NCAM2: variants seen among roughly 807,000 people sequenced by gnomAD.
NCAM2 encodes N-CAM-2.
Under a neutral mutation model 98.1 loss-of-function variants are expected in NCAM2, and 30 were observed. That is an observed-to-expected ratio of 0.31 (90% confidence interval 0.23 to 0.41). The LOEUF (loss-of-function observed/expected upper bound fraction) is 0.41. Ranked by LOEUF, NCAM2 falls within the 10% of genes least tolerant of loss-of-function variation. The probability of loss-of-function intolerance (pLI) is 1.00; values close to 1 mark genes in which losing one functional copy is unlikely to be tolerated. For synonymous variants in NCAM2, 368 were observed against 342.4 expected (o/e 1.07, Z -0.83); for missense variants, 867 against 1,005.8 (o/e 0.86, Z 1.87).
rs1180020839 is a variant in NCAM2, at chr21:21,283,697, C to T, written c.131-497C>T. On this transcript the variant is annotated intron_variant, in intron 2 of 17. Coordinates refer to ENST00000400546, the MANE Select transcript of NCAM2 (RefSeq NM_004540.5). ...TTTCAAATTTAGTATTATCAAAGGC[C>T]AAAGTTGGTTTTGTGAAAGATTTAC... is the stretch of plus-strand genomic sequence containing the variant. 2.6e-5 allele frequency among the ~76,000 whole-genome samples: 4 copies of T among 151,688 alleles called. No homozygotes were observed. The East Asian group carries it at 7.7e-4, about 29-fold the overall frequency.
intron 8 of NCAM2, among the ~76,000 whole-genome samples, chr21:21,354,915 T>C (rs1602082851): frequency 6.6e-6 from 1 of 152,210 alleles, no homozygotes; most frequent in Admixed American, 6.5e-5. Flanking sequence ...TCTTCCCTTT[T>C]TTCTGCTAAA....
intron 9 of NCAM2, among the ~76,000 whole-genome samples, chr21:21,403,605 T>A (rs1387379953): frequency 6.6e-6 from 1 of 152,196 alleles, no homozygotes; most frequent in Non-Finnish European, 1.5e-5. Context: ...AATTTTGATA[T>A]TATTTTGAAT....
intron 11 of NCAM2, among the ~76,000 whole-genome samples, chr21:21,429,105 A>G (rs2077275057): frequency 6.6e-6 from 1 of 152,208 alleles, no homozygotes; most frequent in Non-Finnish European, 1.5e-5. Flanking sequence ...CTTTAAAAGA[A>G]GTAATAGAAA....
Position 21,534,607 on chromosome 21 carries a change from G to A in NCAM2, c.2353G>A (p.Gly785Arg), listed in dbSNP as rs747127360. The A allele has an allele frequency of 7.4e-6, 12 of 1,610,826 alleles. No homozygotes were observed. Among genetic ancestry groups the A allele is most frequent in the African/African-American group, 1.3e-5 (1 of 74,812 alleles). ...EDERVTNHED[G>R]SPVNEPNETT... ...TGAAAGAGTTACTAATCACGAAGAT[G>A]GGAGCCCAGTAAATGAGCCAAATGA... Residue 785 changes from glycine (G) to arginine (R), a missense_variant, in exon 17 of 18, where the codon GGG (glycine) becomes AGG (arginine). This residue lies in a region of NCAM2 where 125 missense variants were observed against 116.1 expected (regional missense o/e 1.08). Transcript: ENST00000400546.
At chr21:21,374,975 G>A (rs2075999170) in intron 9 of NCAM2, among the ~76,000 whole-genome samples, 1 of 151,408 alleles carries the variant, frequency 6.6e-6, no homozygotes, top group Admixed American at 6.6e-5. Flanking sequence ...TTCATGGAAA[G>A]ACCAATCAGA....
At chr21:21,238,449 G>A (rs939847068) in intron 1 of NCAM2, among the ~76,000 whole-genome samples, 2 of 151,994 alleles carry the variant, frequency 1.3e-5, no homozygotes, top group African/African-American at 4.8e-5. Flanking sequence ...GAATGAAAAT[G>A]TATATTCTGA....
intron 15 of NCAM2, among the ~76,000 whole-genome samples, chr21:21,485,272 A>C (rs2146290865): frequency 6.6e-6 from 1 of 152,306 alleles, no homozygotes; most frequent in African/African-American, 2.4e-5. Context: ...ATGTTAAATT[A>C]AATTTGTATA....
intron 1 of NCAM2, among the ~76,000 whole-genome samples, chr21:21,133,550 T>C (rs959158533): frequency 3.9e-5 from 6 of 152,218 alleles, no homozygotes; most frequent in African/African-American, 1.4e-4. Context: ...CAAATTGCAC[T>C]GACCAGTTCA....
intron 15 of NCAM2, among the ~76,000 whole-genome samples, chr21:21,504,701 T>A (rs998541104): frequency 6.6e-6 from 1 of 151,768 alleles, no homozygotes. Flanking sequence ...AAATACATCC[T>A]CAAGGTGACA....
chr21:21,137,661 G>C (rs2067086444), intron 1 of NCAM2, among the ~76,000 whole-genome samples: 1 of 152,140 alleles, frequency 6.6e-6, no homozygotes. Flanking sequence ...GGGAGGCTAA[G>C]ACAGGAGAAT....
chr21:21,269,621 G>A (rs1213818820), intron 1 of NCAM2, among the ~76,000 whole-genome samples: 4 of 152,114 alleles, frequency 2.6e-5, no homozygotes, highest in African/African-American at 9.7e-5. Context: ...TAAAGTTCAT[G>A]TTACAGTAAT....
chr21:21,475,411 T>G (rs796673748), intron 14 of NCAM2, among the ~76,000 whole-genome samples: 2 of 152,252 alleles, frequency 1.3e-5, no homozygotes, highest in African/African-American at 4.8e-5. Context: ...TCTTGGTCAC[T>G]ATTGTGTTCA....
chr21:21,077,070 T>C (rs2065695661), intron 1 of NCAM2, among the ~76,000 whole-genome samples: 1 of 152,170 alleles, frequency 6.6e-6, no homozygotes. Flanking sequence ...ACCACACATA[T>C]CATCTGTGAT....
intron 1 of NCAM2, among the ~76,000 whole-genome samples, chr21:21,267,507 GAA>G (rs1235915354): frequency 6.6e-6 from 1 of 152,064 alleles, no homozygotes; most frequent in Non-Finnish European, 1.5e-5. Context: ...TCAAATGTAG[GAA>G]AACTAATTTT....
chr21:21,360,441 G>T (rs1339352295), intron 8 of NCAM2, among the ~76,000 whole-genome samples: 1 of 151,868 alleles, frequency 6.6e-6, no homozygotes, highest in Non-Finnish European at 1.5e-5. Flanking sequence ...GTTTTTGTCT[G>T]ACTATCTAAG....
chr21:21,369,001 C>G (rs1257688523), intron 8 of NCAM2, among the ~76,000 whole-genome samples: 1 of 151,804 alleles, frequency 6.6e-6, no homozygotes, highest in Non-Finnish European at 1.5e-5. Flanking sequence ...AAACAATTCA[C>G]CCATTAAACT....
intron 11 of NCAM2, among the ~76,000 whole-genome samples, chr21:21,431,123 T>TTGTGTGTGTGTGTGTGTGTGTGTG (rs3037969): frequency 0.052 from 7,267 of 141,046 alleles, 211 homozygotes; most frequent in Non-Finnish European, 0.064. Flanking sequence ...TAATATATGT[T>TTGTGTGTGTGTGTGTGTGTGTGTG]TGTGTGTGTG....
intron 14 of NCAM2, among the ~76,000 whole-genome samples, chr21:21,472,243 G>A (rs959091688): frequency 2.6e-5 from 4 of 151,854 alleles, no homozygotes; most frequent in Non-Finnish European, 4.4e-5. Flanking sequence ...AGTACTATAG[G>A]GACTAGCATT....
intron 11 of NCAM2, among the ~76,000 whole-genome samples, chr21:21,426,441 A>G (rs2077215607): frequency 6.6e-6 from 1 of 152,130 alleles, no homozygotes; most frequent in South Asian, 2.1e-4. Context: ...ATCAAGCAGA[A>G]ACTGATTTAT....
Sources: gnomAD v4.1 joint callset for allele counts (sites outside exome capture counted in the v4.1 genomes callset) on GRCh38, gnomAD v4.1.1 for gene constraint, gnomAD v4.1.1 regional missense constraint, MANE v1.5 for transcripts, NCBI Gene and HGNC (gene_info 2026-07-23, HGNC 2026-07-21) for gene names.